PRKCH: variants seen among roughly 807,000 people sequenced by gnomAD.
PRKCH encodes protein kinase C eta.
A neutral mutation model predicts 82.5 loss-of-function variants in PRKCH; 28 were observed. The observed-to-expected ratio is 0.34, with a 90% CI of 0.25 to 0.47. The LOEUF (loss-of-function observed/expected upper bound fraction) is 0.47, where lower values mean the gene tolerates loss of function less well. Ranked by LOEUF, PRKCH falls within the 20% of genes least tolerant of loss-of-function variation. The probability of loss-of-function intolerance (pLI) is 1.00; values close to 1 mark genes in which losing one functional copy is unlikely to be tolerated. For synonymous variants in PRKCH, 322 were observed against 327.4 expected, an observed-to-expected ratio of 0.98 and a Z score of 0.18; for missense variants, 705 against 881.8, an observed-to-expected ratio of 0.80 and a Z score of 2.54.
In PRKCH at chr14:61,322,477, G is replaced by A. The variant is rs776451107; in HGVS notation, c.363+13G>A. On this transcript the variant is annotated intron_variant, in intron 1 of 13. Transcript: ENST00000332981. Reference sequence around the variant, plus strand: ...CTTCGAGGGTTGGGTGAGTAGCGGTGACCCCTTCCCTTTGTGTCCACCCAA... The same window carrying A: ...CTTCGAGGGTTGGGTGAGTAGCGGTAACCCCTTCCCTTTGTGTCCACCCAA... 12 of 1,586,082 alleles carry A rather than the reference G, an allele frequency of 7.6e-6. No homozygotes were observed. The highest frequency in any genetic ancestry group is 1.7e-4 in the Middle Eastern group (1 of 5,968).
intron 1 of PRKCH, among the ~76,000 whole-genome samples, chr14:61,286,111 A>G (rs540954788): frequency 2.6e-5 from 4 of 152,310 alleles, no homozygotes; most frequent in East Asian, 1.9e-4. Context: ...ATGACTATTT[A>G]TCTTACTGTA....
At chr14:61,262,089 T>G (rs929480001) in intron 1 of PRKCH, among the ~76,000 whole-genome samples, 1 of 151,574 alleles carries the variant, frequency 6.6e-6, no homozygotes, top group Non-Finnish European at 1.5e-5. Context: ...GGCGTAGTGG[T>G]GGGCACCTTT....
intron 1 of PRKCH, among the ~76,000 whole-genome samples, chr14:61,264,356 C>T (rs982364720): frequency 9.2e-5 from 14 of 152,154 alleles, no homozygotes; most frequent in African/African-American, 2.9e-4. Context: ...CCTAAGGTTC[C>T]ACTAATTAAA....
chr14:61,206,269 C>A (rs1483036897), intron 1 of PRKCH, among the ~76,000 whole-genome samples: 3 of 152,222 alleles, frequency 2.0e-5, no homozygotes, highest in Non-Finnish European at 4.4e-5. Context: ...GTCATCCGGG[C>A]TGCAGTTCCT....
At chr14:61,315,004 C>T (rs2045550775) in intron 1 of PRKCH, among the ~76,000 whole-genome samples, 1 of 152,122 alleles carries the variant, frequency 6.6e-6, no homozygotes, top group Admixed American at 6.6e-5. Flanking sequence ...CTCGTTCTGC[C>T]CAATATGCTG....
intron 1 of PRKCH, among the ~76,000 whole-genome samples, chr14:61,234,626 G>T (rs1381564203): frequency 6.6e-6 from 1 of 152,192 alleles, no homozygotes; most frequent in Non-Finnish European, 1.5e-5. Context: ...ACTCTGAGAA[G>T]GATAACTCTC....
chr14:61,421,301 A>G (rs1005180934), intron 2 of PRKCH, among the ~76,000 whole-genome samples: 10 of 152,122 alleles, frequency 6.6e-5, no homozygotes, highest in African/African-American at 1.9e-4. Flanking sequence ...ACTAAACACT[A>G]TAAGATTGAA....
chr14:61,290,131 A>C (rs1277596338), intron 1 of PRKCH, among the ~76,000 whole-genome samples: 1 of 152,088 alleles, frequency 6.6e-6, no homozygotes, highest in African/African-American at 2.4e-5. Flanking sequence ...GTCTCTACTA[A>C]AAATACAAAA....
At chr14:61,213,134 C>G (rs1345447638) in intron 1 of PRKCH, among the ~76,000 whole-genome samples, 1 of 152,106 alleles carries the variant, frequency 6.6e-6, no homozygotes, top group Non-Finnish European at 1.5e-5. Context: ...CATTTAAATT[C>G]CTTGGTGCTG....
intron 4 of PRKCH, among the ~76,000 whole-genome samples, chr14:61,448,076 A>C (rs942209417): frequency 2.0e-5 from 3 of 152,208 alleles, no homozygotes; most frequent in African/African-American, 4.8e-5. Flanking sequence ...TACCTCAAAA[A>C]ATAAAGTATT....
chr14:61,453,412 C>A (rs1884606131), intron 7 of PRKCH, 59 bp downstream of exon 7: 1 of 1,568,372 alleles, frequency 6.4e-7, no homozygotes, highest in Non-Finnish European at 8.7e-7. Flanking sequence ...ATGTGATGAG[C>A]CCAAATGAGA....
At chr14:61,460,867 G>A (rs8010084) in intron 9 of PRKCH, among the ~76,000 whole-genome samples, 7,702 of 152,246 alleles carry the variant, frequency 0.051, 290 homozygotes, top group Non-Finnish European at 0.074. Flanking sequence ...GAAGCTGGGC[G>A]TTTTCATACA....
intron 2 of PRKCH, among the ~76,000 whole-genome samples, chr14:61,418,399 A>G (rs1882671144): frequency 6.6e-6 from 1 of 152,234 alleles, no homozygotes. Flanking sequence ...CACGATGTGT[A>G]ATGATTAATG....
chr14:61,488,027 C>A (rs1171767008), intron 10 of PRKCH, among the ~76,000 whole-genome samples: 1 of 152,058 alleles, frequency 6.6e-6, no homozygotes. Flanking sequence ...GTGGCGGGTG[C>A]CTGTAGTCCC....
chr14:61,391,750 C>G (rs1369362135), intron 2 of PRKCH, among the ~76,000 whole-genome samples: 5 of 152,182 alleles, frequency 3.3e-5, no homozygotes, highest in Non-Finnish European at 7.3e-5. Context: ...CCTACTCCCC[C>G]ATCCAATATT....
At chr14:61,430,606 C>T (rs890400368) in intron 2 of PRKCH, among the ~76,000 whole-genome samples, 3 of 152,096 alleles carry the variant, frequency 2.0e-5, no homozygotes, top group African/African-American at 7.2e-5. Flanking sequence ...CAGGAGAGGC[C>T]CCCCTCCCCC....
chr14:61,318,263 G>A (rs1361291503), upstream of PRKCH, among the ~76,000 whole-genome samples: 1 of 151,654 alleles, frequency 6.6e-6, no homozygotes, highest in Non-Finnish European at 1.5e-5. Flanking sequence ...TTGTAGAAAC[G>A]AGTCCTCACT....
rs149189065 is a variant in PRKCH at position 61,218,831 on chromosome 14, T to A, written c.-19+31163T>A. On this transcript the variant is annotated intron_variant, in intron 1 of 3. Transcript: ENST00000555185. ...TGTCCCTCTTCACCCCCCACCTAAC[T>A]GAGGCTTTGTAACCCGATGCTCTAT... Among the ~76,000 whole-genome samples, 590 of 152,226 alleles carry A rather than the reference T, an allele frequency of 3.9e-3. 5 individuals are homozygous for A. Among genetic ancestry groups the A allele is most frequent in the African/African-American group, 0.012 (518 of 41,540 alleles).
chr14:61,530,009 G>A (rs985337356), intron 11 of PRKCH, among the ~76,000 whole-genome samples: 1 of 152,048 alleles, frequency 6.6e-6, no homozygotes, highest in Admixed American at 6.5e-5. Flanking sequence ...TTTCCTTTTT[G>A]TCTCTACTTA....
Sources: gnomAD v4.1 joint callset for allele counts (sites outside exome capture counted in the v4.1 genomes callset) on GRCh38, gnomAD v4.1.1 for gene constraint, MANE v1.5 for transcripts, NCBI Gene and HGNC (gene_info 2026-07-23, HGNC 2026-07-21) for gene names.